NR1H3: variants seen among roughly 807,000 people sequenced by gnomAD.
NR1H3 encodes the protein oxysterols receptor LXR-alpha.
In NR1H3, 19 loss-of-function variants were observed where a neutral mutation model predicts 48.1. The ratio of observed to expected loss-of-function variants is 0.40; its 90% CI spans 0.28 to 0.58. NR1H3 has a LOEUF of 0.58. NR1H3 is among the 20% of genes least tolerant of loss of function. NR1H3 has a pLI of 0.50. For synonymous variants in NR1H3, 232 were observed against 227.3 expected, an observed-to-expected ratio of 1.02 and a Z score of -0.19; for missense variants, 486 against 595.9, an observed-to-expected ratio of 0.82 and a Z score of 1.92.
chr11:47,262,112 G>C, intron 7 of NR1H3, 94 bp downstream of exon 7: 2 of 886,742 alleles, frequency 2.3e-6, no homozygotes, highest in Non-Finnish European at 3.5e-6. Context: ...AGGCGCGGTG[G>C]CTCATGCCTG....
rs1274569451 is a variant in NR1H3, at chr11:47,259,957, A to G, written c.210A>G (p.Ala70=). The part of the protein sequence containing the change: ...AAEPTALLTR[A]EPPSEPTEIR... ...AGCCCACAGCCCTGCTCACCAGGGC[A>G]GAGCCCCCTTCAGAACCCACAGGTG... Residue 70 remains alanine (A), a synonymous_variant, in exon 3 of 10, where the codon GCA becomes GCG. Coordinates refer to ENST00000441012, the MANE Select transcript of NR1H3 (RefSeq NM_005693.4). The G allele has an allele frequency of 6.4e-7, 1 of 1,555,036 alleles. No individual in the cohort carries two copies. The highest frequency in any genetic ancestry group is 2.0e-5 in the Admixed American group (1 of 49,562).
At position 47,267,373 on chromosome 11, in the gene NR1H3, G is replaced by A. The variant is rs939330073; in HGVS notation, c.989-540G>A. Reference sequence around the variant, plus strand: ...GCACCTCTTGTGTGCCAGACACAGCGCTAAGTGCCCTGCATACTTTGTCAT... The same window carrying A: ...GCACCTCTTGTGTGCCAGACACAGCACTAAGTGCCCTGCATACTTTGTCAT... On this transcript the variant is annotated intron_variant, in intron 7 of 9. Transcript: ENST00000441012. 2.6e-5 allele frequency among the ~76,000 whole-genome samples: 4 copies of A among 152,290 alleles called. No individual in the cohort carries two copies. In the East Asian group the frequency reaches 5.8e-4, roughly 22 times the overall value.
chr11:47,248,769 G>T, upstream of NR1H3: 1 of 1,599,896 alleles, frequency 6.3e-7, no homozygotes, highest in Non-Finnish European at 8.5e-7. Flanking sequence ...CCCGGCTCCA[G>T]CCGGACCGCT....
At chr11:47,257,606 C>CG (rs1363743769), upstream of NR1H3, 3 of 974,838 alleles carry the variant, frequency 3.1e-6, no homozygotes, top group Non-Finnish European at 3.7e-6. Flanking sequence ...GTCGCAATTC[C>CG]GGGCCGTGCT....
intron 8 of NR1H3, 81 bp downstream of exon 8, chr11:47,268,107 G>A (rs562280011): frequency 2.4e-6 from 3 of 1,228,824 alleles, no homozygotes; most frequent in African/African-American, 3.0e-5. Flanking sequence ...GGTGGGGGGA[G>A]GGGGGTGGTG....
rs958264198 is a variant in NR1H3 at position 47,258,826 on chromosome 11, CA to C, written c.-37-344del. ...TGGGCAACATAGAGAGACCCCATCTCAAAAAAAAAATTAATAGTTTTGACCT... is the reference window on the plus strand; with the variant it reads ...TGGGCAACATAGAGAGACCCCATCTCAAAAAAAAATTAATAGTTTTGACCT... On this transcript the variant is annotated intron_variant, in intron 1 of 9. Coordinates refer to ENST00000441012, the MANE Select transcript of NR1H3 (RefSeq NM_005693.4). 841 of 191,540 alleles carry C rather than the reference CA, an allele frequency of 4.4e-3. 1 individual carries two copies. The highest frequency in any genetic ancestry group is 9.6e-3 in the Middle Eastern group (4 of 418). 11.9% of individuals were successfully genotyped at this position (191,540 alleles called of 1,614,324 possible). A position where few individuals can be genotyped will look rare whatever the true frequency, so the allele number is the denominator to read the frequency against.
At chr11:47,260,326 G>C in intron 3 of NR1H3, 83 bp from the exon 4 acceptor site, 1 of 1,508,908 alleles carries the variant, frequency 6.6e-7, no homozygotes, top group Non-Finnish European at 8.9e-7. Context: ...GAAGGTCACT[G>C]AGTGCCCAGG....
chr11:47,259,527 T>C (rs1320763168), intron 2 of NR1H3: 1 of 1,504,054 alleles, frequency 6.6e-7, no homozygotes, highest in Non-Finnish European at 8.9e-7. Flanking sequence ...CTTTGAAGAG[T>C]TTTATCTGAT....
Position 47,268,276 on chromosome 11 carries a change from A to C in NR1H3, c.1118A>C (p.Gln373Pro). The change falls in exon 9 of 10, where the codon CAG becomes CCG. Residue 373 changes from glutamine (Q) to proline (P), a missense_variant. Coordinates refer to ENST00000441012, the MANE Select transcript of NR1H3 (RefSeq NM_005693.4). ...SIFSADRPNV[Q>P]DQLQVERLQH... Reference sequence around the variant, plus strand: ...TGACCTATAGACCGGCCCAACGTGCAGGACCAGCTCCAGGTAGAGAGGCTG... The same window carrying C: ...TGACCTATAGACCGGCCCAACGTGCCGGACCAGCTCCAGGTAGAGAGGCTG... 1 of 1,614,092 alleles carries C rather than the reference A, an allele frequency of 6.2e-7. No individual in the cohort carries two copies. The highest frequency in any genetic ancestry group is 8.5e-7 in the Non-Finnish European group (1 of 1,179,992).
At chr11:47,263,601 C>T (rs1195313340) in intron 7 of NR1H3, among the ~76,000 whole-genome samples, 6 of 145,912 alleles carry the variant, frequency 4.1e-5, no homozygotes, top group East Asian at 4.0e-4. Flanking sequence ...CTTTTTTTTT[C>T]TTTTCTTTTT....
At chr11:47,252,874 C>T (rs568896218) in intron 1 of NR1H3, among the ~76,000 whole-genome samples, 10 of 151,750 alleles carry the variant, frequency 6.6e-5, no homozygotes, top group African/African-American at 9.7e-5. Flanking sequence ...CGGCCCCAGC[C>T]GGCAGTTTTA....
At chr11:47,261,831 G>A (rs752788698) in intron 6 of NR1H3, 88 bp from the exon 7 acceptor site, 5 of 1,596,452 alleles carry the variant, frequency 3.1e-6, no homozygotes, top group Non-Finnish European at 4.3e-6. Flanking sequence ...TGGGAAGCAG[G>A]GATGAGGAGA....
chr11:47,259,776 T>A lies in NR1H3; in HGVS notation c.44-15T>A, dbSNP rs368808548. ...GGGGCCTGAGACCCCCTTGTGCCTC[T>A]CTTTTGGAGCTCAGACTCTGCGGTG... is the stretch of plus-strand genomic sequence containing the variant. On this transcript the variant is annotated splice_polypyrimidine_tract_variant and intron_variant, in intron 2 of 9. Coordinates refer to ENST00000441012, the MANE Select transcript of NR1H3 (RefSeq NM_005693.4). The A allele has an allele frequency of 5.0e-6, 8 of 1,611,738 alleles. No homozygotes were observed. The highest frequency in any genetic ancestry group is 6.8e-6 in the Non-Finnish European group (8 of 1,179,868).
chr11:47,266,624 G>A (rs181182248), intron 7 of NR1H3, among the ~76,000 whole-genome samples: 6 of 150,908 alleles, frequency 4.0e-5, no homozygotes, highest in Non-Finnish European at 8.9e-5. Flanking sequence ...ATAAGCCACC[G>A]CATCCAGCCT....
rs372713051 is a variant in NR1H3 at position 47,268,264 on chromosome 11, G to C, written c.1106G>C (p.Arg369Pro). 1 of 1,613,758 alleles carries C rather than the reference G, an allele frequency of 6.2e-7. No homozygotes were observed. Among genetic ancestry groups the C allele is most frequent in the African/African-American group, 1.3e-5 (1 of 74,850 alleles). Residue 369 changes from arginine (R) to proline (P), a missense_variant, in exon 9 of 10, where the codon CGG (arginine) becomes CCG (proline). Physicochemically the swap from Arg to Pro is moderately radical, Grantham distance 103 (BLOSUM62 -2). Coordinates refer to ENST00000441012, the MANE Select transcript of NR1H3 (RefSeq NM_005693.4). ...LIAISIFSAD[R>P]PNVQDQLQVE... ...CAACTCTCTTGGTGACCTATAGACC[G>C]GCCCAACGTGCAGGACCAGCTCCAG...
chr11:47,261,053 C>G (rs1339219217), intron 4 of NR1H3, among the ~76,000 whole-genome samples, 188 bp from the exon 5 acceptor site: 1 of 151,138 alleles, frequency 6.6e-6, no homozygotes, highest in Non-Finnish European at 1.5e-5. Context: ...CCACTGCACT[C>G]CAGCCTGAGC....
At chr11:47,250,159 C>T (rs1954520403) in intron 1 of NR1H3, among the ~76,000 whole-genome samples, 1 of 152,174 alleles carries the variant, frequency 6.6e-6, no homozygotes, top group African/African-American at 2.4e-5. Flanking sequence ...CTAATCCCAG[C>T]ACTTTGGGAG....
upstream of NR1H3, chr11:47,248,686 A>C (rs1954336948): frequency 6.2e-7 from 1 of 1,611,626 alleles, no homozygotes; most frequent in Non-Finnish European, 8.5e-7. Flanking sequence ...CAAGGTAACG[A>C]AGCGCAGACT....
At chr11:47,264,222 T>C (rs1956225180) in intron 7 of NR1H3, among the ~76,000 whole-genome samples, 2 of 152,212 alleles carry the variant, frequency 1.3e-5, no homozygotes, top group South Asian at 4.1e-4. Context: ...AACGACTGGA[T>C]GAGTGGGGCT....
Sources: gnomAD v4.1 joint callset for allele counts (sites outside exome capture counted in the v4.1 genomes callset) on GRCh38, gnomAD v4.1.1 for gene constraint, MANE v1.5 for transcripts, NCBI Gene and HGNC (gene_info 2026-07-23, HGNC 2026-07-21) for gene names.